Variants in TMEM108 observed in about 807,000 individuals in gnomAD.
TMEM108 encodes transmembrane protein 108.
TMEM108 carries 12 observed loss-of-function variants against 35.1 expected under a neutral mutation model. The observed-to-expected ratio is 0.34, with a 90% CI of 0.22 to 0.55. The LOEUF is 0.55. TMEM108 is among the 20% of genes least tolerant of loss of function. The probability of loss-of-function intolerance (pLI) is 0.89; values close to 1 mark genes in which losing one functional copy is unlikely to be tolerated. For synonymous variants in TMEM108, 287 were observed against 308.6 expected, an observed-to-expected ratio of 0.93 and a Z score of 0.73; for missense variants, 680 against 753.3, an observed-to-expected ratio of 0.90 and a Z score of 1.14.
intron 2 of TMEM108, among the ~76,000 whole-genome samples, chr3:133,174,012 C>T (rs993743248): frequency 9.2e-5 from 14 of 152,214 alleles, no homozygotes; most frequent in South Asian, 4.1e-4. Context: ...TCTTAGCAAA[C>T]GGCACACCAG....
At chr3:133,168,094 A>T (rs1459184270) in intron 2 of TMEM108, among the ~76,000 whole-genome samples, 1 of 152,236 alleles carries the variant, frequency 6.6e-6, no homozygotes, top group African/African-American at 2.4e-5. Flanking sequence ...AGTTGTGTCT[A>T]AACTGAAAAA....
intron 2 of TMEM108, among the ~76,000 whole-genome samples, chr3:133,064,093 A>T (rs971584476): frequency 6.6e-6 from 1 of 152,178 alleles, no homozygotes; most frequent in Non-Finnish European, 1.5e-5. Flanking sequence ...AATGTCTGCC[A>T]GTCTGAGGAC....
intron 2 of TMEM108, among the ~76,000 whole-genome samples, chr3:133,080,350 G>A (rs1323039045): frequency 6.6e-6 from 1 of 152,128 alleles, no homozygotes; most frequent in Non-Finnish European, 1.5e-5. Context: ...ACTTCCAGAG[G>A]CCTCAAAATA....
intron 1 of TMEM108, among the ~76,000 whole-genome samples, chr3:133,039,094 A>ATTT (rs541257449): frequency 7.9e-4 from 117 of 147,542 alleles, no homozygotes; most frequent in African/African-American, 2.8e-3. Flanking sequence ...TTCAGGGGCT[A>ATTT]TTTTTTTTTT....
intron 2 of TMEM108, among the ~76,000 whole-genome samples, chr3:133,180,315 A>G (rs527274375): frequency 6.6e-6 from 1 of 152,316 alleles, no homozygotes; most frequent in East Asian, 1.9e-4. Context: ...ACAATTTTTA[A>G]TAAATACAAA....
chr3:133,317,165 A>G lies in TMEM108; in HGVS notation c.41-62587A>G, dbSNP rs1482109459. 2.0e-5 allele frequency among the ~76,000 whole-genome samples: 3 copies of G among 152,328 alleles called. No individual in the cohort carries two copies. In the East Asian group the frequency reaches 5.8e-4, roughly 29 times the overall value. On this transcript the variant is annotated intron_variant, in intron 3 of 5. Coordinates refer to ENST00000321871, the MANE Select transcript of TMEM108 (RefSeq NM_023943.4). ...TGACAAACATTCTCTGTGTATCCAC[A>G]GCCCTAATATTACCCATCTAATTCA...
intron 2 of TMEM108, among the ~76,000 whole-genome samples, chr3:133,079,685 A>T (rs578028158): frequency 3.3e-5 from 5 of 152,152 alleles, no homozygotes; most frequent in Admixed American, 6.5e-5. Flanking sequence ...TTTTGGGAGG[A>T]CACAAACATT....
At position 133,140,451 on chromosome 3, in the gene TMEM108, G is replaced by C. The variant is rs114617055; in HGVS notation, c.-46-88815G>C. On this transcript the variant is annotated intron_variant, in intron 2 of 5. Coordinates refer to ENST00000321871, the MANE Select transcript of TMEM108 (RefSeq NM_023943.4). ...ATATCAACAGACATTATCCTGAATG[G>C]TAGAGTTGTGAAGAATTGTGTCCTG... 5.4e-3 allele frequency among the ~76,000 whole-genome samples: 828 copies of C among 152,308 alleles called. 8 individuals are homozygous for C. The highest frequency in any genetic ancestry group is 0.019 in the African/African-American group (771 of 41,562).
At chr3:133,235,205 C>A (rs1358098625) in intron 3 of TMEM108, among the ~76,000 whole-genome samples, 1 of 152,058 alleles carries the variant, frequency 6.6e-6, no homozygotes, top group Non-Finnish European at 1.5e-5. Context: ...TCAATGCCAT[C>A]CCCATCAAGC....
chr3:133,241,330 C>G (rs548421035), intron 3 of TMEM108, among the ~76,000 whole-genome samples: 1 of 152,340 alleles, frequency 6.6e-6, no homozygotes, highest in East Asian at 1.9e-4. Flanking sequence ...TCCTGTTCAT[C>G]CATTTCCGTT....
chr3:133,205,446 T>A (rs991945842), intron 2 of TMEM108, among the ~76,000 whole-genome samples: 1 of 152,212 alleles, frequency 6.6e-6, no homozygotes, highest in Non-Finnish European at 1.5e-5. Context: ...TGGTACTGGT[T>A]TTTCCTTTCC....
At chr3:133,094,592 C>T (rs879892155) in intron 2 of TMEM108, among the ~76,000 whole-genome samples, 4 of 152,210 alleles carry the variant, frequency 2.6e-5, no homozygotes, top group Admixed American at 6.5e-5. Context: ...TTCTCGCTCC[C>T]TCCATATCGC....
intron 3 of TMEM108, among the ~76,000 whole-genome samples, chr3:133,294,718 C>T (rs897869878): frequency 3.9e-5 from 6 of 152,178 alleles, no homozygotes; most frequent in African/African-American, 1.4e-4. Flanking sequence ...TAAATGGCTG[C>T]TACTGAGATG....
intron 2 of TMEM108, among the ~76,000 whole-genome samples, chr3:133,178,267 C>T (rs1945269870): frequency 6.6e-6 from 1 of 152,118 alleles, no homozygotes; most frequent in South Asian, 2.1e-4. Context: ...CAATGCCATC[C>T]CCATCAAGCT....
At chr3:133,337,536 A>G (rs1033298830) in intron 3 of TMEM108, among the ~76,000 whole-genome samples, 1 of 152,106 alleles carries the variant, frequency 6.6e-6, no homozygotes, top group African/African-American at 2.4e-5. Flanking sequence ...AGATCACAAT[A>G]CCTAACTCCT....
chr3:133,290,631 C>A (rs368058080), intron 3 of TMEM108, among the ~76,000 whole-genome samples: 15 of 150,524 alleles, frequency 1.0e-4, no homozygotes, highest in South Asian at 4.2e-4. Flanking sequence ...AAAAAAAAAA[C>A]AAAACAAACA....
intron 3 of TMEM108, among the ~76,000 whole-genome samples, chr3:133,320,003 C>G (rs1432950714): frequency 1.3e-5 from 2 of 152,168 alleles, no homozygotes; most frequent in Non-Finnish European, 2.9e-5. Flanking sequence ...CGCAGTGGCT[C>G]ATGCCTGTAA....
rs1158886979 is a variant in TMEM108, at chr3:133,346,309, AGTTTT to A, written c.41-33432_41-33428del. On this transcript the variant is annotated intron_variant, in intron 3 of 5. Transcript: ENST00000321871. This position sits in a 1 kb window ranked among gnomAD's most constrained non-coding sequence, Gnocchi z 4.0. ...TTCCTCACCAGCATTTGGTATTATC[AGTTTT>A]GTTTTGTTTTTGTTTTTGTTTTTGT... Among the ~76,000 whole-genome samples, 12 of 151,866 alleles carry A rather than the reference AGTTTT, an allele frequency of 7.9e-5. No individual in the cohort carries two copies. The highest frequency in any genetic ancestry group is 2.9e-4 in the African/African-American group (12 of 41,494).
intron 3 of TMEM108, chr3:133,253,326 A>C (rs1343859181): frequency 1.3e-5 from 2 of 152,198 alleles, no homozygotes. Flanking sequence ...TCTGGACCTC[A>C]GTTTACCCAT....
Sources: allele counts gnomAD v4.1 joint callset (sites outside exome capture counted in the v4.1 genomes callset), GRCh38; gene constraint gnomAD v4.1.1; non-coding constraint Gnocchi (gnomAD v3.1); transcripts MANE v1.5; gene names NCBI Gene and HGNC (gene_info 2026-07-23, HGNC 2026-07-21).